FAF1: variants seen among roughly 807,000 people sequenced by gnomAD.
FAF1 encodes the protein Fas associated factor 1, also known as FAS-associated factor 1.
Under a neutral mutation model 92.5 loss-of-function variants are expected in FAF1, and 25 were observed. That is an observed-to-expected ratio of 0.27 (90% CI 0.20 to 0.38). The LOEUF (loss-of-function observed/expected upper bound fraction) is 0.38. FAF1 is among the 10% of genes least tolerant of loss of function. The probability of loss-of-function intolerance (pLI) is 1.00; values close to 1 mark genes in which losing one functional copy is unlikely to be tolerated. For missense variants in FAF1, 636 were observed against 793.3 expected (o/e 0.80, Z 2.38); for synonymous variants, 234 against 273.2 (o/e 0.86, Z 1.42).
intron 8 of FAF1, among the ~76,000 whole-genome samples, chr1:50,611,616 G>A (rs1652688683): frequency 1.3e-5 from 2 of 152,174 alleles, no homozygotes; most frequent in Admixed American, 6.5e-5. Flanking sequence ...TGATGGTTAA[G>A]CTCTGAATAC....
chr1:50,868,085 C>T (rs1644496856), intron 1 of FAF1, among the ~76,000 whole-genome samples: 1 of 152,112 alleles, frequency 6.6e-6, no homozygotes, highest in African/African-American at 2.4e-5. Context: ...GAAAGGAAAA[C>T]CGAACATTGC....
intron 6 of FAF1, chr1:50,715,023 AAT>A (rs1389761421): frequency 9.2e-6 from 4 of 435,638 alleles, no homozygotes; most frequent in African/African-American, 8.2e-5. Context: ...AAGTTCTAAA[AAT>A]ATATATCTAT....
intron 7 of FAF1, among the ~76,000 whole-genome samples, chr1:50,660,241 C>A (rs903498496): frequency 6.6e-6 from 1 of 152,102 alleles, no homozygotes; most frequent in African/African-American, 2.4e-5. Context: ...CTGCTAAAGG[C>A]TAAACCATGA....
chr1:50,950,278 C>T (rs936967757), intron 1 of FAF1, among the ~76,000 whole-genome samples: 6 of 152,224 alleles, frequency 3.9e-5, no homozygotes, highest in African/African-American at 7.2e-5. Context: ...AATGTTCTAA[C>T]AACTGCCCCT....
chr1:50,947,279 T>C (rs1409416990), intron 1 of FAF1, among the ~76,000 whole-genome samples: 1 of 152,198 alleles, frequency 6.6e-6, no homozygotes, highest in Non-Finnish European at 1.5e-5. Context: ...CATTAAAGAA[T>C]CCAGGGAGCC....
chr1:50,479,688 T>A (rs1466165466), intron 17 of FAF1, among the ~76,000 whole-genome samples: 1 of 152,186 alleles, frequency 6.6e-6, no homozygotes, highest in Non-Finnish European at 1.5e-5. Flanking sequence ...ATTCAACCAA[T>A]TATATTACAG....
intron 4 of FAF1, chr1:50,781,172 C>T (rs1385689089): frequency 5.2e-6 from 1 of 192,760 alleles, no homozygotes; most frequent in Admixed American, 6.0e-5. Context: ...CTGCCTGCAC[C>T]TCTTTGGCCA....
chr1:50,633,933 T>G (rs980324721), intron 8 of FAF1, among the ~76,000 whole-genome samples: 4 of 152,220 alleles, frequency 2.6e-5, no homozygotes, highest in African/African-American at 9.6e-5. Flanking sequence ...TCATTCCATG[T>G]TGATCACAAT....
intron 7 of FAF1, among the ~76,000 whole-genome samples, chr1:50,704,163 A>G (rs550181395): frequency 5.3e-5 from 8 of 152,276 alleles, no homozygotes; most frequent in African/African-American, 1.4e-4. Flanking sequence ...TTTTGTTAAT[A>G]TAAGAGAAGC....
chr1:50,647,716 T>G lies in FAF1; in HGVS notation c.744+7726A>C, dbSNP rs1360114791. Among the ~76,000 whole-genome samples, 5 of 152,322 alleles carry G rather than the reference T, an allele frequency of 3.3e-5. No homozygotes were observed. The South Asian group carries it at 8.3e-4, about 25-fold the overall frequency. On this transcript the variant is annotated intron_variant, in intron 8 of 18. Coordinates refer to ENST00000396153, the MANE Select transcript of FAF1 (RefSeq NM_007051.3). ...TAAGTATTCTTGTAACTACTGACTC[T>G]TTAATCTTCACAATAACTCTACGAG...
intron 6 of FAF1, among the ~76,000 whole-genome samples, chr1:50,706,771 G>A (rs1280375006): frequency 6.6e-6 from 1 of 152,090 alleles, no homozygotes; most frequent in African/African-American, 2.4e-5. Flanking sequence ...AATTTCTACT[G>A]TCTGTCTCAA....
intron 15 of FAF1, among the ~76,000 whole-genome samples, chr1:50,498,022 C>T (rs532037257): frequency 2.0e-4 from 30 of 152,108 alleles, no homozygotes; most frequent in African/African-American, 6.3e-4. Flanking sequence ...TACTATAAAG[C>T]TACAGTAATT....
intron 8 of FAF1, among the ~76,000 whole-genome samples, chr1:50,646,254 T>C (rs1654578391): frequency 1.3e-5 from 2 of 152,008 alleles, no homozygotes; most frequent in South Asian, 2.1e-4. Context: ...CATACATATA[T>C]ACACACACAC....
chr1:50,960,260 C>CTCCTCCGCTTCCT lies in FAF1; in HGVS notation c.-450_-449insAGGAAGCGGAGGA. 1 of 330,842 alleles carries CTCCTCCGCTTCCT rather than the reference C, an allele frequency of 3.0e-6. No homozygotes were observed. Among genetic ancestry groups the CTCCTCCGCTTCCT allele is most frequent in the Non-Finnish European group, 5.5e-6 (1 of 181,632 alleles). 20.5% of individuals were successfully genotyped at this position (330,842 alleles called of 1,614,324 possible). Reference sequence around the variant, plus strand: ...CTTCCTCCCTGGCCGCCGCCTCCGCCCCTGGTTGGCCAGCGCCACGGCTGT... The same window carrying CTCCTCCGCTTCCT: ...CTTCCTCCCTGGCCGCCGCCTCCGCCTCCTCCGCTTCCTCCTGGTTGGCCAGCGCCACGGCTGT... On this transcript the variant is annotated 5_prime_UTR_variant, in exon 1 of 19. Coordinates refer to ENST00000396153, the MANE Select transcript of FAF1 (RefSeq NM_007051.3).
At chr1:50,850,601 T>C (rs1292843233) in intron 2 of FAF1, among the ~76,000 whole-genome samples, 4 of 151,924 alleles carry the variant, frequency 2.6e-5, no homozygotes, top group Non-Finnish European at 4.4e-5. Flanking sequence ...TATAAAATAT[T>C]AAAAAATAAC....
chr1:50,869,127 C>A (rs1644506609), intron 1 of FAF1, among the ~76,000 whole-genome samples: 1 of 152,032 alleles, frequency 6.6e-6, no homozygotes, highest in Non-Finnish European at 1.5e-5. Context: ...GATTATGTTT[C>A]TTTTATCTTT....
At chr1:50,865,652 CA>C (rs1391070034) in intron 1 of FAF1, among the ~76,000 whole-genome samples, 1 of 118,914 alleles carries the variant, frequency 8.4e-6, no homozygotes, top group Non-Finnish European at 1.7e-5. Context: ...AACACATGGA[CA>C]CAGGAAGGGG....
intron 6 of FAF1, among the ~76,000 whole-genome samples, chr1:50,734,125 CTTG>C (rs1659041254): frequency 6.6e-6 from 1 of 152,136 alleles, no homozygotes; most frequent in South Asian, 2.1e-4. Flanking sequence ...TTTGGTTTCA[CTTG>C]TTTACATTTT....
intron 15 of FAF1, among the ~76,000 whole-genome samples, chr1:50,519,415 AGAAGGAAGGAAG>A (rs144253773): frequency 6.6e-5 from 6 of 90,232 alleles, no homozygotes; most frequent in South Asian, 5.1e-4. Flanking sequence ...AGGGAGGGAG[AGAAGGAAGGAAG>A]GAAGGAAGGA....
Sources: gnomAD v4.1 joint callset for allele counts (sites outside exome capture counted in the v4.1 genomes callset) on GRCh38, gnomAD v4.1.1 for gene constraint, MANE v1.5 for transcripts, NCBI Gene and HGNC (gene_info 2026-07-23, HGNC 2026-07-21) for gene names.